The following RNF138 variants were observed in gnomAD, a reference collection of about 807,000 sequenced individuals.
RNF138 encodes the protein ring finger protein 138, also known as E3 ubiquitin-protein ligase RNF138.
In RNF138, 12 loss-of-function variants were observed where a neutral mutation model predicts 31.0. That is an observed-to-expected ratio of 0.39 (90% CI 0.25 to 0.63). The LOEUF (loss-of-function observed/expected upper bound fraction) is 0.63. Ranked by LOEUF, RNF138 falls within the 20% of genes least tolerant of loss-of-function variation. The pLI, the probability that RNF138 is intolerant of heterozygous loss-of-function variation, is 0.52. For missense variants in RNF138, 192 were observed against 300.1 expected (o/e 0.64, Z 2.66); for synonymous variants, 105 against 99.5 (o/e 1.06, Z -0.33).
chr18:32,109,765 A>C (rs1371289377), intron 2 of RNF138, among the ~76,000 whole-genome samples: 2 of 152,130 alleles, frequency 1.3e-5, no homozygotes, highest in Non-Finnish European at 2.9e-5. Context: ...GCATGCCTGT[A>C]GTCCCACCTA....
chr18:32,126,886 C>A, intron 7 of RNF138, 86 bp downstream of exon 7: 2 of 798,662 alleles, frequency 2.5e-6, no homozygotes, highest in East Asian at 2.6e-5. Flanking sequence ...AATTTTGTGG[C>A]AAGCTGTTGT....
At chr18:32,099,917 G>A (rs1056960070) in intron 2 of RNF138, among the ~76,000 whole-genome samples, 4 of 152,144 alleles carry the variant, frequency 2.6e-5, no homozygotes, top group African/African-American at 9.7e-5. Flanking sequence ...TGGGTCAAAG[G>A]GTAGATACAA....
chr18:32,102,363 G>A (rs1042853607), intron 2 of RNF138, among the ~76,000 whole-genome samples: 6 of 150,770 alleles, frequency 4.0e-5, no homozygotes, highest in African/African-American at 1.2e-4. Context: ...CGCCACGCCC[G>A]GCTAATTTTT....
chr18:32,097,944 ATG>A (rs34814991), intron 2 of RNF138, among the ~76,000 whole-genome samples: 22,215 of 87,046 alleles, frequency 0.26, 1,713 homozygotes, highest in South Asian at 0.37. Flanking sequence ...GTATGTATAT[ATG>A]TGTGTGTGTG....
chr18:32,125,397 A>C (rs1158627256), intron 6 of RNF138, among the ~76,000 whole-genome samples: 1 of 152,172 alleles, frequency 6.6e-6, no homozygotes, highest in African/African-American at 2.4e-5. Flanking sequence ...ATAATGAGGG[A>C]GATAGAGCAG....
chr18:32,110,912 C>G lies in RNF138; in HGVS notation c.111-842C>G, dbSNP rs149467672. 3.9e-3 allele frequency among the ~76,000 whole-genome samples: 596 copies of G among 152,078 alleles called. 2 individuals carry two copies. The highest frequency in any genetic ancestry group is 0.014 in the African/African-American group (577 of 41,490). On this transcript the variant is annotated intron_variant, in intron 2 of 7. Transcript: ENST00000261593. ...TCTCCTGCCTCAGCCTCCCGGGTAG[C>G]TGAAACTACAGGCGCCTGTCACCAC...
chr18:32,097,564 AC>A (rs2039832367), intron 2 of RNF138, among the ~76,000 whole-genome samples: 1 of 151,760 alleles, frequency 6.6e-6, no homozygotes, highest in East Asian at 1.9e-4. Flanking sequence ...GTTTACTGTA[AC>A]CTCCACCTCC....
chr18:32,105,621 T>C (rs1364939297), intron 2 of RNF138, among the ~76,000 whole-genome samples: 1 of 152,212 alleles, frequency 6.6e-6, no homozygotes, highest in African/African-American at 2.4e-5. Flanking sequence ...AAAACTTTAA[T>C]GAGCAAAGCT....
At chr18:32,123,651 A>C in intron 5 of RNF138, 77 bp downstream of exon 5, 4 of 1,005,264 alleles carry the variant, frequency 4.0e-6, no homozygotes, top group Middle Eastern at 3.1e-4. Context: ...TTTAAATTAA[A>C]CTTTTTTTTT....
intron 6 of RNF138, 93 bp from the exon 7 acceptor site, chr18:32,126,600 G>A (rs1318605726): frequency 7.1e-6 from 5 of 703,792 alleles, no homozygotes; most frequent in Non-Finnish European, 1.2e-5. Context: ...AGATATTTTT[G>A]GTAACATATC....
rs942413924 is a variant in RNF138, at chr18:32,092,906, C to T, written c.110+20C>T. The T allele has an allele frequency of 2.1e-6, 3 of 1,418,002 alleles. No homozygotes were observed. Among genetic ancestry groups the T allele is most frequent in the East Asian group, 2.8e-5 (1 of 35,684 alleles). 87.8% of individuals were successfully genotyped at this position (1,418,002 alleles called of 1,614,324 possible). A position where few individuals can be genotyped will look rare whatever the true frequency, so the allele number is the denominator to read the frequency against. On this transcript the variant is annotated intron_variant, in intron 2 of 7. Coordinates refer to ENST00000261593, the MANE Select transcript of RNF138 (RefSeq NM_016271.5). ...GCACGTGTGAGTAGACGCCCCCTCC[C>T]CCTCGCGGAGCCGGGTTGTCGCTTA...
At position 32,126,637 on chromosome 18, in the gene RNF138, G is replaced by T. The variant is rs941529883; in HGVS notation, c.562-56G>T. The T allele has an allele frequency of 1.2e-4, 127 of 1,080,196 alleles. No individual in the cohort carries two copies. In the Middle Eastern group the frequency reaches 3.6e-3, roughly 31 times the overall value. The allele number at this position is 1,080,196 out of a possible 1,614,324, so 66.9% of individuals were successfully genotyped here. Reference sequence around the variant, plus strand: ...CTGTGTTATTTTAATACTGTCAATTGTATAATATTTCATTGTTTTTATTAT... The same window carrying T: ...CTGTGTTATTTTAATACTGTCAATTTTATAATATTTCATTGTTTTTATTAT... On this transcript the variant is annotated intron_variant, in intron 6 of 7. Transcript: ENST00000261593.
intron 6 of RNF138, among the ~76,000 whole-genome samples, chr18:32,125,383 TTTGA>T (rs1298939443): frequency 6.6e-6 from 1 of 152,180 alleles, no homozygotes; most frequent in Admixed American, 6.6e-5. Context: ...GTGAGAGCTT[TTTGA>T]TAATGAGGGA....
intron 4 of RNF138, 50 bp downstream of exon 4, chr18:32,113,910 A>G: frequency 2.1e-6 from 2 of 968,380 alleles, no homozygotes; most frequent in South Asian, 2.9e-5. Context: ...TGAAATGGAA[A>G]TTGTTTTGGG....
intron 3 of RNF138, among the ~76,000 whole-genome samples, chr18:32,112,554 G>A (rs574588628): frequency 8.5e-5 from 13 of 152,092 alleles, no homozygotes; most frequent in South Asian, 2.1e-4. Context: ...GTGTGGTGGC[G>A]CATGCCTATA....
intron 2 of RNF138, among the ~76,000 whole-genome samples, chr18:32,102,402 C>T (rs1399361912): frequency 6.6e-6 from 1 of 151,320 alleles, no homozygotes; most frequent in Non-Finnish European, 1.5e-5. Flanking sequence ...GGGGTTTCAC[C>T]ATGTTAGCTG....
intron 4 of RNF138, among the ~76,000 whole-genome samples, chr18:32,120,884 C>T (rs185999406): frequency 1.4e-4 from 21 of 152,222 alleles, no homozygotes; most frequent in Non-Finnish European, 3.1e-4. Flanking sequence ...TGGCTCATGT[C>T]TGTAATCCCT....
chr18:32,124,669 A>G, intron 5 of RNF138, 65 bp from the exon 6 acceptor site: 3 of 809,324 alleles, frequency 3.7e-6, no homozygotes, highest in Admixed American at 1.9e-5. Flanking sequence ...TTCCTCAAAA[A>G]ATAGGAGAGC....
chr18:32,096,215 C>T (rs578039006), intron 2 of RNF138, among the ~76,000 whole-genome samples: 2 of 152,286 alleles, frequency 1.3e-5, no homozygotes, highest in Non-Finnish European at 2.9e-5. Context: ...AGGGGAGCAG[C>T]GTGGTCACAT....
Sources: allele counts gnomAD v4.1 joint callset (sites outside exome capture counted in the v4.1 genomes callset), GRCh38; gene constraint gnomAD v4.1.1; transcripts MANE v1.5; gene names NCBI Gene and HGNC (gene_info 2026-07-23, HGNC 2026-07-21).